The following FXYD5 variants were observed in gnomAD, a reference collection of about 807,000 sequenced individuals.
The protein encoded by FXYD5 is FXYD domain-containing ion transport regulator 5.
A neutral mutation model predicts 25.7 loss-of-function variants in FXYD5; 21 were observed. That is an observed-to-expected ratio of 0.82 (90% CI 0.58 to 1.18). The LOEUF (loss-of-function observed/expected upper bound fraction) is 1.18, where lower values mean the gene tolerates loss of function less well. Among genes scored for constraint, FXYD5 ranks in the 50% most tolerant of loss-of-function variants. The pLI is 0.00. For missense variants in FXYD5, 229 were observed against 227.7 expected, an observed-to-expected ratio of 1.01 and a Z score of -0.04; for synonymous variants, 101 against 90.7, an observed-to-expected ratio of 1.11 and a Z score of -0.64.
At chr19:35,168,058 A>C (rs937335917) in intron 8 of FXYD5, among the ~76,000 whole-genome samples, 2 of 149,368 alleles carry the variant, frequency 1.3e-5, no homozygotes, top group Admixed American at 1.3e-4. Flanking sequence ...ATCTCTACAC[A>C]AATAATTTTT....
In FXYD5 at chr19:35,159,119, C is replaced by T. The variant is rs575494038; in HGVS notation, c.199+719C>T. Among the ~76,000 whole-genome samples the T allele has an allele frequency of 4.0e-5, 6 of 150,516 alleles. 1 individual carries two copies. The South Asian group carries it at 1.3e-3, about 32-fold the overall frequency. ...TCCAGCCTGGGCAACAGAGCGAAAC[C>T]CTGTCTCAAAAAAAAAAAAAAGTGC... On this transcript the variant is annotated intron_variant, in intron 4 of 8. Transcript: ENST00000392219.
rs1312484388 is a variant in FXYD5 at position 35,160,739 on chromosome 19, A to C, written c.230A>C (p.Gln77Pro). 6.2e-7 allele frequency: 1 copy of C among 1,613,752 alleles called. No individual in the cohort carries two copies. Reference protein sequence around the residue: ...ETPQPQTQTQQLEGTDGPLVT... With the variant: ...ETPQPQTQTQPLEGTDGPLVT... ...CCACAACCCCAGACCCAGACCCAGC[A>C]ACTGGAAGGAACGGATGGGCCTCTA... is the stretch of plus-strand genomic sequence containing the variant. Residue 77 changes from glutamine to proline, a missense_variant, in exon 5 of 9, where the codon CAA becomes CCA. Physicochemically the swap from Gln to Pro is moderately conservative, Grantham distance 76 (BLOSUM62 -1). Transcript: ENST00000392219.
chr19:35,158,535 G>A (rs1464802990), intron 4 of FXYD5, 135 bp downstream of exon 4: 2 of 620,840 alleles, frequency 3.2e-6, no homozygotes, highest in Non-Finnish European at 5.9e-6. Context: ...TTTACTCTGG[G>A]TGGGGACAGC....
chr19:35,161,570 T>A (rs75218860), intron 5 of FXYD5, among the ~76,000 whole-genome samples: 5,868 of 152,332 alleles, frequency 0.039, 152 homozygotes, highest in East Asian at 0.069. Context: ...CTGCTCTCAT[T>A]GGTCAGGCCT....
chr19:35,159,569 G>A (rs762000246), intron 4 of FXYD5: 73 of 1,550,494 alleles, frequency 4.7e-5, no homozygotes, highest in Non-Finnish European at 5.8e-5. Flanking sequence ...CATGTTGGCT[G>A]TTTCCAGCTT....
chr19:35,164,129 C>A (rs1226107282), intron 5 of FXYD5, 27 bp from the exon 6 acceptor site: 1 of 1,613,682 alleles, frequency 6.2e-7, no homozygotes, highest in Non-Finnish European at 8.5e-7. Flanking sequence ...TCACTCCTGC[C>A]CTCCACTGAT....
chr19:35,168,165 A>G (rs1448665314), intron 8 of FXYD5, among the ~76,000 whole-genome samples: 1 of 151,984 alleles, frequency 6.6e-6, no homozygotes, highest in Non-Finnish European at 1.5e-5. Flanking sequence ...TATTTTTCCA[A>G]CAGCAAATAT....
intron 8 of FXYD5, among the ~76,000 whole-genome samples, chr19:35,167,165 C>A (rs187457651): frequency 1.2e-4 from 18 of 152,116 alleles, no homozygotes; most frequent in Non-Finnish European, 2.2e-4. Flanking sequence ...GACCTGCAAA[C>A]GATTAACTGG....
intron 4 of FXYD5, chr19:35,160,024 C>G (rs1478882536): frequency 1.7e-5 from 3 of 181,546 alleles, no homozygotes; most frequent in Non-Finnish European, 2.3e-5. Context: ...CTGGACAACA[C>G]AGCAAAACCT....
chr19:35,158,275 C>T (rs1568411482), intron 3 of FXYD5, 69 bp from the exon 4 acceptor site: 1 of 957,076 alleles, frequency 1.0e-6, no homozygotes, highest in Non-Finnish European at 1.7e-6. Flanking sequence ...GGCATCTCCA[C>T]CCATAGACCT....
At chr19:35,157,246 T>C (rs1397647601) in intron 2 of FXYD5, among the ~76,000 whole-genome samples, 175 bp from the exon 3 acceptor site, 1 of 152,046 alleles carries the variant, frequency 6.6e-6, no homozygotes, top group African/African-American at 2.4e-5. Flanking sequence ...AGAAGAAGGG[T>C]TCCCAGGCAT....
At chr19:35,155,252 G>A (rs1010454774) in intron 1 of FXYD5, 3 of 491,950 alleles carry the variant, frequency 6.1e-6, no homozygotes, top group Non-Finnish European at 1.1e-5. Flanking sequence ...GAAGGCGCAG[G>A]GAGGTGTTTC....
At chr19:35,160,648 A>G in intron 4 of FXYD5, 61 bp from the exon 5 acceptor site, 1 of 1,191,934 alleles carries the variant, frequency 8.4e-7, no homozygotes, top group South Asian at 1.2e-5. Flanking sequence ...GCCCGGCCCC[A>G]ATTCTCTTTC....
rs1390596506 is a variant in FXYD5 at position 35,169,609 on chromosome 19, C to T, written c.531C>T (p.Cys177=). The stretch of plus-strand genomic sequence containing the variant: ...TGTCCCGGTTATGCCGGAATCGTTG[C>T]AGGTGAGTCCATCAGAAACAGGAGC... ...RQLSRLCRNR[C]R is the part of the protein sequence containing the mutation. Residue 177 remains cysteine (C), a synonymous_variant, in exon 9 of 9, where the codon TGC becomes TGT. Transcript: ENST00000392219. The T allele has an allele frequency of 1.2e-6, 2 of 1,606,204 alleles. No homozygotes were observed. The highest frequency in any genetic ancestry group is 1.7e-6 in the Non-Finnish European group (2 of 1,172,746).
intron 2 of FXYD5, among the ~76,000 whole-genome samples, chr19:35,156,058 AG>A (rs1214385302): frequency 6.6e-6 from 1 of 152,192 alleles, no homozygotes; most frequent in Non-Finnish European, 1.5e-5. Flanking sequence ...TGGGAACCAC[AG>A]GGGGGTATTG....
chr19:35,155,514 A>G (rs1426863105), intron 1 of FXYD5, 37 bp from the exon 2 acceptor site: 8 of 1,578,358 alleles, frequency 5.1e-6, no homozygotes, highest in Non-Finnish European at 6.9e-6. Context: ...GGTCTCACTG[A>G]CATCATGGCT....
chr19:35,164,042 C>G (rs1329078695), intron 5 of FXYD5, 114 bp from the exon 6 acceptor site: 1 of 1,566,622 alleles, frequency 6.4e-7, no homozygotes, highest in African/African-American at 1.4e-5. Flanking sequence ...CCCTGCACAC[C>G]AGCTGTGTAG....
intron 5 of FXYD5, 137 bp from the exon 6 acceptor site, chr19:35,164,019 G>A: frequency 6.5e-7 from 1 of 1,532,712 alleles, no homozygotes; most frequent in Non-Finnish European, 8.8e-7. Flanking sequence ...TGTGGAGTAG[G>A]GGGGATGCCT....
At chr19:35,166,502 T>A in intron 8 of FXYD5, 177 bp downstream of exon 8, 1 of 529,462 alleles carries the variant, frequency 1.9e-6, no homozygotes, top group Non-Finnish European at 3.3e-6. Context: ...TTTATTGAGC[T>A]CTCAATACCA....
Sources: allele counts gnomAD v4.1 joint callset (sites outside exome capture counted in the v4.1 genomes callset), GRCh38; gene constraint gnomAD v4.1.1; transcripts MANE v1.5; gene names NCBI Gene and HGNC (gene_info 2026-07-23, HGNC 2026-07-21).